Variants in SCFD2 observed in about 807,000 individuals in gnomAD.
The protein encoded by SCFD2 is sec1 family domain containing 2.
A neutral mutation model predicts 58.9 loss-of-function variants in SCFD2; 54 were observed. That is an observed-to-expected ratio of 0.92 (90% CI 0.74 to 1.15). The LOEUF (loss-of-function observed/expected upper bound fraction) is 1.15, where lower values mean the gene tolerates loss of function less well. Ranked by LOEUF, SCFD2 falls within the 50% of genes most tolerant of loss-of-function variation. The probability of loss-of-function intolerance (pLI) is 0.00; values close to 1 mark genes in which losing one functional copy is unlikely to be tolerated. For missense variants in SCFD2, 805 were observed against 836.6 expected, an observed-to-expected ratio of 0.96 and a Z score of 0.47; for synonymous variants, 321 against 335.9, an observed-to-expected ratio of 0.96 and a Z score of 0.49.
Position 53,304,009 on chromosome 4 carries a change from G to T in SCFD2, c.1135+9627C>A, listed in dbSNP as rs1484490726. ...GGAGATATATCTAATGCTAAATGAC[G>T]AGTTAATGGGTGCAGCACACCAACT... On this transcript the variant is annotated intron_variant, in intron 3 of 8. Coordinates refer to ENST00000401642, the MANE Select transcript of SCFD2 (RefSeq NM_152540.4). Among the ~76,000 whole-genome samples, 91 of 150,432 alleles carry T rather than the reference G, an allele frequency of 6.0e-4. 1 individual carries two copies. Among genetic ancestry groups the T allele is most frequent in the African/African-American group, 2.1e-3 (86 of 40,874 alleles).
intron 4 of SCFD2, among the ~76,000 whole-genome samples, chr4:53,146,565 C>T (rs1396647743): frequency 6.6e-6 from 1 of 152,168 alleles, no homozygotes; most frequent in Non-Finnish European, 1.5e-5. Flanking sequence ...TCTAGGTATA[C>T]AGCAGTGCAC....
chr4:53,335,287 A>C (rs1440845697), intron 2 of SCFD2, among the ~76,000 whole-genome samples: 3 of 152,016 alleles, frequency 2.0e-5, no homozygotes, highest in Non-Finnish European at 4.4e-5. Context: ...ACATAACCTG[A>C]ATCTAATTGT....
chr4:52,876,297 G>C (rs985172574), intron 8 of SCFD2, among the ~76,000 whole-genome samples: 2 of 152,212 alleles, frequency 1.3e-5, no homozygotes, highest in South Asian at 4.1e-4. Flanking sequence ...GTGAGCTGCT[G>C]TATTATTGTG....
chr4:52,884,389 A>G (rs1291836320), intron 8 of SCFD2, among the ~76,000 whole-genome samples: 1 of 151,900 alleles, frequency 6.6e-6, no homozygotes, highest in African/African-American at 2.4e-5. Context: ...ACACCCCCAG[A>G]GTCAAGTCTC....
chr4:53,158,072 T>G (rs1726742929), intron 4 of SCFD2, among the ~76,000 whole-genome samples: 1 of 152,122 alleles, frequency 6.6e-6, no homozygotes, highest in Admixed American at 6.5e-5. Flanking sequence ...CCTGGTAAGG[T>G]ACATGAATGG....
rs1730470839 is a variant in SCFD2 at position 53,253,359 on chromosome 4, T to C, written c.1311+20467A>G. ...TTCCTCAGGGATCTAGAACTAGAAA[T>C]ACCATTTGACCCAGCCATCCCATTA... On this transcript the variant is annotated intron_variant, in intron 4 of 8. Transcript: ENST00000401642. 2.0e-5 allele frequency among the ~76,000 whole-genome samples: 3 copies of C among 152,022 alleles called. No homozygotes were observed. In the South Asian group the frequency reaches 6.2e-4, roughly 32 times the overall value.
At chr4:52,943,532 T>G (rs1359605121) in intron 5 of SCFD2, among the ~76,000 whole-genome samples, 3 of 152,100 alleles carry the variant, frequency 2.0e-5, no homozygotes, top group Admixed American at 2.0e-4. Context: ...CACCATGCAG[T>G]GAGTAACTTG....
intron 4 of SCFD2, among the ~76,000 whole-genome samples, chr4:53,183,191 A>T (rs1482391121): frequency 1.3e-5 from 2 of 152,216 alleles, no homozygotes; most frequent in African/African-American, 4.8e-5. Flanking sequence ...TGCTATAAAG[A>T]CACACGCACA....
chr4:53,350,233 G>A (rs1469549248), intron 2 of SCFD2, among the ~76,000 whole-genome samples: 1 of 152,138 alleles, frequency 6.6e-6, no homozygotes, highest in Non-Finnish European at 1.5e-5. Flanking sequence ...TATGATATTA[G>A]CATAATTCTA....
In SCFD2 at chr4:53,251,883, G is replaced by C. The variant is rs901980788; in HGVS notation, c.1311+21943C>G. Reference sequence around the variant, plus strand: ...AACACAGTGTTGGAAGTTCTGGCCAGAGCAATTAGGCAGGAGAAGGAAATA... The same window carrying C: ...AACACAGTGTTGGAAGTTCTGGCCACAGCAATTAGGCAGGAGAAGGAAATA... On this transcript the variant is annotated intron_variant, in intron 4 of 8. Coordinates refer to ENST00000401642, the MANE Select transcript of SCFD2 (RefSeq NM_152540.4). Among the ~76,000 whole-genome samples the C allele has an allele frequency of 2.0e-5, 3 of 150,546 alleles. No individual in the cohort carries two copies. The South Asian group carries it at 6.4e-4, about 32-fold the overall frequency.
intron 5 of SCFD2, among the ~76,000 whole-genome samples, chr4:52,980,061 T>G (rs1458375860): frequency 1.3e-5 from 2 of 152,242 alleles, no homozygotes; most frequent in East Asian, 3.8e-4. Context: ...CCCTTGGGGT[T>G]GGCAATATAA....
intron 7 of SCFD2, among the ~76,000 whole-genome samples, chr4:52,891,491 T>TA (rs990308432): frequency 2.0e-5 from 3 of 152,174 alleles, no homozygotes; most frequent in Non-Finnish European, 2.9e-5. Flanking sequence ...CACAGAGGCT[T>TA]AACGAGGTGA....
intron 2 of SCFD2, among the ~76,000 whole-genome samples, chr4:53,331,409 G>T (rs1482898712): frequency 6.6e-6 from 1 of 152,162 alleles, no homozygotes; most frequent in African/African-American, 2.4e-5. Context: ...TCAGACCACA[G>T]TGCAATCAAA....
intron 5 of SCFD2, among the ~76,000 whole-genome samples, chr4:52,955,028 C>A (rs1249136226): frequency 6.6e-6 from 1 of 152,344 alleles, no homozygotes; most frequent in East Asian, 1.9e-4. Context: ...ATTCTTGAGA[C>A]TTTCCTCACT....
intron 4 of SCFD2, among the ~76,000 whole-genome samples, chr4:53,157,398 T>G (rs1338009189): frequency 6.6e-6 from 1 of 152,166 alleles, no homozygotes; most frequent in Non-Finnish European, 1.5e-5. Flanking sequence ...AGATACAGCA[T>G]CAAACAAGGA....
intron 4 of SCFD2, among the ~76,000 whole-genome samples, chr4:53,200,862 T>C (rs372540130): frequency 3.3e-5 from 5 of 149,504 alleles, no homozygotes; most frequent in Admixed American, 2.0e-4. Context: ...TTCATCTCTA[T>C]GCACATTAAA....
chr4:53,203,074 G>A (rs1407798895), intron 4 of SCFD2, among the ~76,000 whole-genome samples: 23 of 152,196 alleles, frequency 1.5e-4, no homozygotes, highest in Non-Finnish European at 1.3e-4. Context: ...TTGAATAGGA[G>A]TGGTGAGGGA....
intron 5 of SCFD2, among the ~76,000 whole-genome samples, chr4:53,100,251 T>TCA (rs1419547730): frequency 6.6e-6 from 1 of 152,142 alleles, no homozygotes; most frequent in African/African-American, 2.4e-5. Flanking sequence ...CTCTCATCTG[T>TCA]TCAATGTAGG....
intron 5 of SCFD2, among the ~76,000 whole-genome samples, chr4:53,138,886 CGTCT>C (rs1726022621): frequency 2.8e-5 from 4 of 143,394 alleles, no homozygotes; most frequent in Non-Finnish European, 4.5e-5. Context: ...CTCTCGTCTC[CGTCT>C]CCCCTTTGCA....
Sources: allele counts gnomAD v4.1 joint callset (sites outside exome capture counted in the v4.1 genomes callset), GRCh38; gene constraint gnomAD v4.1.1; transcripts MANE v1.5; gene names NCBI Gene and HGNC (gene_info 2026-07-23, HGNC 2026-07-21).